The following RDH13 variants were observed in gnomAD, a reference collection of about 807,000 sequenced individuals.
RDH13 encodes retinol dehydrogenase 13, also known as retinol dehydrogenase 13 (all-trans and 9-cis).
In RDH13, 35 loss-of-function variants were observed where a neutral mutation model predicts 28.3. That is an observed-to-expected ratio of 1.24 (90% CI 0.95 to 1.64). The LOEUF is 1.64. RDH13 is among the 40% of genes most tolerant of loss of function. The pLI is 0.00. For missense variants in RDH13, 514 were observed against 446.3 expected, an observed-to-expected ratio of 1.15 and a Z score of -1.37; for synonymous variants, 229 against 198.5, an observed-to-expected ratio of 1.15 and a Z score of -1.29.
Position 55,051,329 on chromosome 19 carries a change from C to T in RDH13, c.341-2566G>A, listed in dbSNP as rs114786234. 3.1e-3 allele frequency among the ~76,000 whole-genome samples: 471 copies of T among 152,284 alleles called. 2 individuals are homozygous for T. The highest frequency in any genetic ancestry group is 0.011 in the African/African-American group (452 of 41,568). The stretch of plus-strand genomic sequence containing the variant: ...AGGGAAGGGGGATGCAGGCAGCAGG[C>T]GCAGCACGGGTAAGGCCCAAAGGCG... On this transcript the variant is annotated intron_variant, in intron 3 of 6. Coordinates refer to ENST00000415061, the MANE Select transcript of RDH13 (RefSeq NM_001145971.2).
At chr19:55,066,447 C>CTCTGTCT (rs1454659441), upstream of RDH13, among the ~76,000 whole-genome samples, 1 of 14,554 alleles carries the variant, frequency 6.9e-5, no homozygotes, top group African/African-American at 3.0e-4. Context: ...TTCTCTCCCT[C>CTCTGTCT]TCTCTCCCTC....
chr19:55,045,461 C>T (rs1422691982), intron 6 of RDH13, 152 bp from the exon 7 acceptor site: 2 of 606,308 alleles, frequency 3.3e-6, no homozygotes, highest in East Asian at 2.9e-5. Context: ...CAGTTCCCTT[C>T]CCTGGCACTG....
intron 3 of RDH13, among the ~76,000 whole-genome samples, chr19:55,050,048 T>C (rs1354855028): frequency 6.6e-6 from 1 of 151,598 alleles, no homozygotes; most frequent in African/African-American, 2.4e-5. Flanking sequence ...TCTCAAACTC[T>C]TGAACTCAAG....
intron 6 of RDH13, 97 bp downstream of exon 6, chr19:55,047,290 C>T: frequency 1.3e-6 from 2 of 1,518,696 alleles, no homozygotes; most frequent in Non-Finnish European, 1.8e-6. Context: ...GGCATGAGGC[C>T]TCAGGGACGG....
In RDH13 at chr19:55,059,314, ACT is replaced by A. The variant is rs764100382; in HGVS notation, c.66-41_66-40del. 2.5e-5 allele frequency: 35 copies of A among 1,374,442 alleles called. No homozygotes were observed. In the Admixed American group the frequency reaches 6.1e-4, roughly 24 times the overall value. 85.1% of individuals were successfully genotyped at this position (1,374,442 alleles called of 1,614,324 possible). On this transcript the variant is annotated intron_variant, in intron 1 of 6. Coordinates refer to ENST00000415061, the MANE Select transcript of RDH13 (RefSeq NM_001145971.2). Reference sequence around the variant, plus strand: ...GCGGCACGGTCAGTCCTGTGGGCCCACTCTCACCCCACGTGCCCCTGACTGAA... The same window carrying A: ...GCGGCACGGTCAGTCCTGTGGGCCCACTCACCCCACGTGCCCCTGACTGAA...
chr19:55,054,136 T>C (rs1002875135), intron 3 of RDH13, among the ~76,000 whole-genome samples: 1 of 152,174 alleles, frequency 6.6e-6, no homozygotes, highest in African/African-American at 2.4e-5. Context: ...CAGCTCTGGT[T>C]CATCTCACAC....
At chr19:55,059,453 GTGTC>G (rs2075742996) in intron 1 of RDH13, among the ~76,000 whole-genome samples, 178 bp from the exon 2 acceptor site, 1 of 152,236 alleles carries the variant, frequency 6.6e-6, no homozygotes, top group Non-Finnish European at 1.5e-5. Flanking sequence ...GCTCCACCCA[GTGTC>G]TGGCGTGTGG....
intron 3 of RDH13, among the ~76,000 whole-genome samples, chr19:55,051,980 C>T (rs2075455257): frequency 6.6e-6 from 1 of 152,014 alleles, no homozygotes; most frequent in Non-Finnish European, 1.5e-5. Flanking sequence ...AATTCGCCCA[C>T]CTCGGCCTCC....
At chr19:55,043,433 C>T (rs1375656187), downstream of RDH13, among the ~76,000 whole-genome samples, 1 of 152,058 alleles carries the variant, frequency 6.6e-6, no homozygotes, top group Non-Finnish European at 1.5e-5. Context: ...CCTATAATCC[C>T]AGCACTTTGG....
At chr19:55,056,839 TTAA>T (rs761582820) in intron 2 of RDH13, 31 bp from the exon 3 acceptor site, 160 of 1,581,690 alleles carry the variant, frequency 1.0e-4, no homozygotes, top group Non-Finnish European at 1.3e-4. Context: ...AAGATTTAAA[TTAA>T]TAATCCACTC....
intron 6 of RDH13, 44 bp downstream of exon 6, chr19:55,047,343 G>T (rs1439655843): frequency 1.9e-6 from 3 of 1,594,372 alleles, no homozygotes; most frequent in Non-Finnish European, 2.6e-6. Context: ...GAAAGCAGGG[G>T]TGGAGGGCTC....
chr19:55,065,082 CTAAAAA>C (rs1422170751), upstream of RDH13, among the ~76,000 whole-genome samples: 4 of 149,624 alleles, frequency 2.7e-5, no homozygotes, highest in African/African-American at 9.8e-5. Context: ...GTTTACCAAA[CTAAAAA>C]TAAAGAAAAA....
downstream of RDH13, among the ~76,000 whole-genome samples, chr19:55,043,583 G>A (rs1211221071): frequency 1.3e-5 from 2 of 151,894 alleles, no homozygotes; most frequent in Non-Finnish European, 1.5e-5. Flanking sequence ...CATGAGAATC[G>A]CTTGAACATG....
chr19:55,060,354 G>A (rs62124162), intron 1 of RDH13, among the ~76,000 whole-genome samples: 15,870 of 151,964 alleles, frequency 0.1, 886 homozygotes, highest in Non-Finnish European at 0.13. Context: ...TTTGGGTGGA[G>A]AGAAACATCA....
At chr19:55,045,941 C>T (rs974369843) in intron 6 of RDH13, among the ~76,000 whole-genome samples, 3 of 87,970 alleles carry the variant, frequency 3.4e-5, no homozygotes, top group East Asian at 8.0e-4. Flanking sequence ...AGCAAGACTT[C>T]GTCTCAAAAA....
rs2075152897 is a variant in RDH13, at chr19:55,044,907, G to C, written c.*167C>G. On this transcript the variant is annotated 3_prime_UTR_variant, in exon 7 of 7. Transcript: ENST00000415061. ...CCAGAGCCCAGGGCAGTGCTCACCT[G>C]CAGGCCAGTCCACTGCGGCCAGCAC... The C allele has an allele frequency of 3.4e-6, 2 of 591,304 alleles. No individual in the cohort carries two copies. Among genetic ancestry groups the C allele is most frequent in the Non-Finnish European group, 3.0e-6 (1 of 334,808 alleles). The allele number at this position is 591,304 out of a possible 1,614,324, so 36.6% of individuals were successfully genotyped here.
rs2075315941 is a variant in RDH13, at chr19:55,048,481, A to G, written c.506T>C (p.Ile169Thr). The G allele has an allele frequency of 6.2e-7, 1 of 1,614,216 alleles. No homozygotes were observed. The highest frequency in any genetic ancestry group is 1.3e-5 in the African/African-American group (1 of 75,062). Residue 169 changes from isoleucine (I) to threonine (T), a missense_variant, in exon 5 of 7, where the codon ATC becomes ACC. Coordinates refer to ENST00000415061, the MANE Select transcript of RDH13 (RefSeq NM_001145971.2). ...ATGGGCCAGGGACGAGAGGTTGATGATCCGCGAAGGGGCTGAGGCTTTCAG... is the reference window on the plus strand; with the variant it reads ...ATGGGCCAGGGACGAGAGGTTGATGGTCCGCGAAGGGGCTGAGGCTTTCAG... The part of the protein sequence containing the change: ...DKLKASAPSR[I>T]INLSSLAHVA...
upstream of RDH13, among the ~76,000 whole-genome samples, chr19:55,066,653 C>G (rs2075968272): frequency 6.7e-6 from 1 of 148,670 alleles, no homozygotes. Flanking sequence ...CCCTCTTTCT[C>G]TTTCTCTCTC....
At chr19:55,054,842 T>C (rs1391060261) in intron 3 of RDH13, among the ~76,000 whole-genome samples, 1 of 151,896 alleles carries the variant, frequency 6.6e-6, no homozygotes, top group Non-Finnish European at 1.5e-5. Flanking sequence ...ATTTTAAATG[T>C]GGTCACCACA....
Sources: gnomAD v4.1 joint callset for allele counts (sites outside exome capture counted in the v4.1 genomes callset) on GRCh38, gnomAD v4.1.1 for gene constraint, MANE v1.5 for transcripts, NCBI Gene and HGNC (gene_info 2026-07-23, HGNC 2026-07-21) for gene names.